The following CNTN4 variants were observed in gnomAD, a reference collection of about 807,000 sequenced individuals.
CNTN4 encodes contactin-4.
A neutral mutation model predicts 122.5 loss-of-function variants in CNTN4; 77 were observed. The ratio of observed to expected loss-of-function variants is 0.63; its 90% CI spans 0.52 to 0.76. The LOEUF is 0.76. Among genes scored for constraint, CNTN4 ranks in the 30% least tolerant of loss-of-function variants. The pLI is 0.00. For synonymous variants in CNTN4, 512 were observed against 447.0 expected (o/e 1.15, Z -1.83); for missense variants, 1,256 against 1,259.1 (o/e 1.00, Z 0.04).
intron 2 of CNTN4, among the ~76,000 whole-genome samples, chr3:2,144,940 C>T (rs939792854): frequency 2.0e-5 from 3 of 152,114 alleles, no homozygotes; most frequent in African/African-American, 7.2e-5. Context: ...GATCAGTTAC[C>T]ACAATAAGGG....
chr3:3,054,260 C>T (rs1701560685), intron 24 of CNTN4, among the ~76,000 whole-genome samples: 1 of 152,140 alleles, frequency 6.6e-6, no homozygotes, highest in African/African-American at 2.4e-5. Context: ...GTTTGCATTG[C>T]ATCTATTGTA....
At chr3:2,229,368 C>G (rs62247015) in intron 2 of CNTN4, among the ~76,000 whole-genome samples, 30,107 of 152,034 alleles carry the variant, frequency 0.2, 3,527 homozygotes, top group South Asian at 0.38. Context: ...GTTTCCACAT[C>G]AGCTTCCTGA....
At chr3:2,254,405 C>T (rs1387119418) in intron 2 of CNTN4, among the ~76,000 whole-genome samples, 8 of 152,070 alleles carry the variant, frequency 5.3e-5, no homozygotes, top group Admixed American at 1.3e-4. Flanking sequence ...GGTATATACC[C>T]AGTAATGGGA....
At chr3:2,917,313 G>C in intron 12 of CNTN4, among the ~76,000 whole-genome samples, 1 of 145,150 alleles carries the variant, frequency 6.9e-6, no homozygotes, top group Non-Finnish European at 1.5e-5. Context: ...ACGAGGCAGA[G>C]GGGGAGATGG....
At chr3:2,928,589 A>T (rs1174712436) in intron 13 of CNTN4, among the ~76,000 whole-genome samples, 1 of 152,220 alleles carries the variant, frequency 6.6e-6, no homozygotes, top group East Asian at 1.9e-4. Flanking sequence ...TCAGATGTAG[A>T]ATCTTAGGAA....
At chr3:2,150,108 A>T (rs2035429954) in intron 2 of CNTN4, among the ~76,000 whole-genome samples, 1 of 152,178 alleles carries the variant, frequency 6.6e-6, no homozygotes, top group Admixed American at 6.5e-5. Flanking sequence ...ACACATTGTG[A>T]GCATTCAGTA....
chr3:2,804,570 A>G (rs2092420244), intron 6 of CNTN4, among the ~76,000 whole-genome samples: 1 of 152,212 alleles, frequency 6.6e-6, no homozygotes, highest in Non-Finnish European at 1.5e-5. Context: ...AATAAATCTT[A>G]GCTCTAAATA....
At chr3:2,887,707 C>T (rs2093994643) in intron 10 of CNTN4, among the ~76,000 whole-genome samples, 2 of 152,032 alleles carry the variant, frequency 1.3e-5, no homozygotes, top group African/African-American at 2.4e-5. Context: ...AAATTTAGTT[C>T]TTATCAGAGT....
chr3:2,420,850 C>T (rs780218547), intron 3 of CNTN4, among the ~76,000 whole-genome samples: 2 of 152,122 alleles, frequency 1.3e-5, no homozygotes, highest in Non-Finnish European at 2.9e-5. Flanking sequence ...CTGTGATTAA[C>T]GTTTCTGATC....
At chr3:2,800,285 C>T (rs1217581037) in intron 6 of CNTN4, among the ~76,000 whole-genome samples, 1 of 151,838 alleles carries the variant, frequency 6.6e-6, no homozygotes, top group Non-Finnish European at 1.5e-5. Flanking sequence ...TGTTCTTTAC[C>T]CTGACATTCG....
chr3:2,906,107 C>G (rs1167594673), intron 12 of CNTN4, among the ~76,000 whole-genome samples: 1 of 152,014 alleles, frequency 6.6e-6, no homozygotes, highest in Non-Finnish European at 1.5e-5. Context: ...ATCACATGAT[C>G]TCACTCATAA....
In CNTN4 at chr3:3,031,853, G is replaced by A. The variant is rs984754141; in HGVS notation, c.1783+878G>A. On this transcript the variant is annotated intron_variant, in intron 16 of 24. Transcript: ENST00000418658. Reference sequence around the variant, plus strand: ...TGTTGGTGTTCAGGCATCTTTGGCCGGCTGGCAGAGCGCATGGCAAAACTT... The same window carrying A: ...TGTTGGTGTTCAGGCATCTTTGGCCAGCTGGCAGAGCGCATGGCAAAACTT... 4.6e-5 allele frequency among the ~76,000 whole-genome samples: 7 copies of A among 152,118 alleles called. 1 individual carries two copies. Among genetic ancestry groups the A allele is most frequent in the South Asian group, 4.1e-4 (2 of 4,826 alleles).
intron 7 of CNTN4, among the ~76,000 whole-genome samples, chr3:2,850,989 CA>C (rs1197317149): frequency 6.6e-6 from 1 of 152,098 alleles, no homozygotes; most frequent in Non-Finnish European, 1.5e-5. Context: ...TAAGCTGTAT[CA>C]ATTATTGAAC....
intron 6 of CNTN4, among the ~76,000 whole-genome samples, chr3:2,787,555 G>A (rs1576794352): frequency 1.3e-5 from 2 of 152,140 alleles, no homozygotes; most frequent in East Asian, 3.9e-4. Flanking sequence ...AATAATAGAG[G>A]AAGAAGAATC....
chr3:2,254,655 T>C (rs2040507088), intron 2 of CNTN4, among the ~76,000 whole-genome samples: 1 of 152,228 alleles, frequency 6.6e-6, no homozygotes, highest in Non-Finnish European at 1.5e-5. Context: ...GATGAGCGTT[T>C]TTTCATATGT....
Position 2,855,365 on chromosome 3 carries a change from A to G in CNTN4, c.455-11387A>G, listed in dbSNP as rs529170760. ...CTGATAGTCTTTGTGGTCTTGGAAT[A>G]GCTTATGTAATTTTCTATATCTCAC... On this transcript the variant is annotated intron_variant, in intron 7 of 24. Transcript: ENST00000418658. 4.6e-5 allele frequency among the ~76,000 whole-genome samples: 7 copies of G among 152,348 alleles called. No individual in the cohort carries two copies. In the East Asian group the frequency reaches 1.3e-3, roughly 29 times the overall value.
Position 2,849,986 on chromosome 3 carries a change from C to CT in CNTN4, c.455-16758dup, listed in dbSNP as rs746657018. 9.7e-3 allele frequency among the ~76,000 whole-genome samples: 1,358 copies of CT among 140,662 alleles called. 52 individuals carry two copies. The highest frequency in any genetic ancestry group is 0.029 in the African/African-American group (1,087 of 37,958). The allele number at this position is 140,662 out of a possible 152,430, so 92.3% of individuals were successfully genotyped here. A position where few individuals can be genotyped will look rare whatever the true frequency, so the allele number is the denominator to read the frequency against. On this transcript the variant is annotated intron_variant, in intron 7 of 24. Transcript: ENST00000418658. ...CCATTTTGGAAAATGTTAGCAATCA[C>CT]TTTTTTTTCTTTTTTTTTTCTGAGA...
chr3:2,552,539 G>T (rs560179007), intron 3 of CNTN4, among the ~76,000 whole-genome samples: 210 of 152,138 alleles, frequency 1.4e-3, no homozygotes, highest in Non-Finnish European at 2.6e-3. Context: ...TGCTAATTAA[G>T]GAATTAATAT....
rs553705807 is a variant in CNTN4, at chr3:2,217,796, A to T, written c.-145+117157A>T. Among the ~76,000 whole-genome samples, 54 of 152,358 alleles carry T rather than the reference A, an allele frequency of 3.5e-4. No homozygotes were observed. The South Asian group carries it at 3.7e-3, about 11-fold the overall frequency. ...AAAGAGAATCATAGATGACCTTAGA[A>T]CAACTATTAACTTTTTGCACCAGTT... On this transcript the variant is annotated intron_variant, in intron 2 of 24. Transcript: ENST00000418658.
Sources: gnomAD v4.1 joint callset for allele counts (sites outside exome capture counted in the v4.1 genomes callset) on GRCh38, gnomAD v4.1.1 for gene constraint, MANE v1.5 for transcripts, NCBI Gene and HGNC (gene_info 2026-07-23, HGNC 2026-07-21) for gene names.